Variants in XRN2 observed in about 807,000 individuals in gnomAD.
XRN2 encodes the protein 5'-3' exoribonuclease 2.
In XRN2, 44 loss-of-function variants were observed where a neutral mutation model predicts 138.5. The observed-to-expected ratio is 0.32, with a 90% CI of 0.25 to 0.41. The LOEUF (loss-of-function observed/expected upper bound fraction) is 0.41, where lower values mean the gene tolerates loss of function less well. Among genes scored for constraint, XRN2 ranks in the 10% least tolerant of loss-of-function variants. The pLI is 1.00. For synonymous variants in XRN2, 354 were observed against 369.4 expected (o/e 0.96, Z 0.48); for missense variants, 937 against 1,169.3 (o/e 0.80, Z 2.90).
chr20:21,308,489 T>A (rs531210838), intron 1 of XRN2, among the ~76,000 whole-genome samples: 2 of 152,162 alleles, frequency 1.3e-5, no homozygotes, highest in African/African-American at 2.4e-5. Context: ...CATATCAGGG[T>A]TCCAGTTGCT....
Position 21,389,641 on chromosome 20 carries a change from C to T in XRN2, c.*303C>T. 1 of 225,120 alleles carries T rather than the reference C, an allele frequency of 4.4e-6. No individual in the cohort carries two copies. The allele number at this position is 225,120 out of a possible 1,614,324, so 13.9% of individuals were successfully genotyped here. ...TGTGGATTTCAAAACACAGTGTATT[C>T]TAGATCATCTAAGATCCATGCTGAT... On this transcript the variant is annotated 3_prime_UTR_variant, in exon 30 of 30. Coordinates refer to ENST00000377191, the MANE Select transcript of XRN2 (RefSeq NM_012255.5).
At chr20:21,315,055 T>C (rs565922173) in intron 1 of XRN2, among the ~76,000 whole-genome samples, 1 of 152,292 alleles carries the variant, frequency 6.6e-6, no homozygotes, top group East Asian at 1.9e-4. Flanking sequence ...TCAGGGTTTA[T>C]GTGACACACT....
At chr20:21,387,032 T>G (rs774182615) in intron 29 of XRN2, 26 bp downstream of exon 29, 1 of 1,587,742 alleles carries the variant, frequency 6.3e-7, no homozygotes, top group South Asian at 1.1e-5. Flanking sequence ...ATGAAAAGTA[T>G]ACTGCTCACT....
In XRN2 at chr20:21,356,062, T is replaced by G; in HGVS notation, c.2021-18T>G. 3 of 1,599,498 alleles carry G rather than the reference T, an allele frequency of 1.9e-6. No homozygotes were observed. Among genetic ancestry groups the G allele is most frequent in the Non-Finnish European group, 2.6e-6 (3 of 1,173,164 alleles). ...CAATTTTTTTATGTGTAGGTCTTAT[T>G]CTTTTCTTTCTCCCTAGCCAGAAGA... On this transcript the variant is annotated intron_variant, in intron 21 of 29. Coordinates refer to ENST00000377191, the MANE Select transcript of XRN2 (RefSeq NM_012255.5).
At chr20:21,373,594 A>C (rs2038786049) in intron 27 of XRN2, among the ~76,000 whole-genome samples, 1 of 152,226 alleles carries the variant, frequency 6.6e-6, no homozygotes, top group African/African-American at 2.4e-5. Flanking sequence ...ACACTCCTCC[A>C]GCAGTGTAGG....
chr20:21,368,583 T>C lies in XRN2; in HGVS notation c.2577T>C (p.Leu859=). ...LLRGQAQIPK[L]MSNMRPQDSW... ...GAGGACAAGCCCAGATTCCAAAACT[T>C]ATGTCAAGTAAGCTTTTACAAATCG... Residue 859 remains leucine (L), a synonymous_variant, in exon 27 of 30, where the codon CTT becomes CTC. Transcript: ENST00000377191. 1 of 1,613,032 alleles carries C rather than the reference T, an allele frequency of 6.2e-7. No individual in the cohort carries two copies. Among genetic ancestry groups the C allele is most frequent in the South Asian group, 1.1e-5 (1 of 90,716 alleles).
At position 21,351,222 on chromosome 20, in the gene XRN2, T is replaced by C. The variant is rs1786413514; in HGVS notation, c.1936+1761T>C. Among the ~76,000 whole-genome samples the C allele has an allele frequency of 3.9e-5, 6 of 152,340 alleles. No individual in the cohort carries two copies. The South Asian group carries it at 1.0e-3, about 26-fold the overall frequency. On this transcript the variant is annotated intron_variant, in intron 20 of 29. Coordinates refer to ENST00000377191, the MANE Select transcript of XRN2 (RefSeq NM_012255.5). ...TAACTCTAGGGGAAAAGTGAGATAA[T>C]GTACAAGAGTTCAGATTTCTTCACA...
At chr20:21,346,687 T>C in intron 17 of XRN2, 137 bp downstream of exon 17, 1 of 1,050,450 alleles carries the variant, frequency 9.5e-7, no homozygotes, top group Non-Finnish European at 1.4e-6. Flanking sequence ...TGGCGTGATC[T>C]CAACTCACTG....
intron 27 of XRN2, 82 bp downstream of exon 27, chr20:21,368,672 A>C (rs577790818): frequency 1.0e-5 from 16 of 1,564,284 alleles, no homozygotes; most frequent in Non-Finnish European, 1.3e-5. Context: ...TTTGCTGAAA[A>C]AGATTTGTTG....
chr20:21,349,556 A>G (rs2038480553), intron 20 of XRN2, 95 bp downstream of exon 20: 1 of 1,044,064 alleles, frequency 9.6e-7, no homozygotes, highest in Non-Finnish European at 1.4e-6. Flanking sequence ...TAGCCTGGGC[A>G]ACATGGTGAA....
intron 1 of XRN2, among the ~76,000 whole-genome samples, chr20:21,309,108 TTG>T (rs1429452160): frequency 6.6e-6 from 1 of 152,234 alleles, no homozygotes; most frequent in African/African-American, 2.4e-5. Context: ...TTCTTGAGAA[TTG>T]TGTCTCTGTT....
intron 26 of XRN2, among the ~76,000 whole-genome samples, chr20:21,366,999 A>G (rs765498556): frequency 2.9e-4 from 44 of 152,164 alleles, no homozygotes; most frequent in Non-Finnish European, 5.7e-4. Context: ...TGTATGATGG[A>G]GACTCTTTTT....
intron 26 of XRN2, among the ~76,000 whole-genome samples, chr20:21,368,212 G>A (rs376407995): frequency 3.5e-4 from 53 of 152,246 alleles, no homozygotes; most frequent in Non-Finnish European, 2.6e-4. Flanking sequence ...ATTATTTTTC[G>A]TATGATGTAA....
intron 13 of XRN2, among the ~76,000 whole-genome samples, chr20:21,337,122 A>C (rs896102217): frequency 2.0e-5 from 3 of 152,214 alleles, no homozygotes. Context: ...CATCAGTGTA[A>C]GGTTTTGAGT....
chr20:21,370,448 A>G (rs561150678), intron 27 of XRN2, among the ~76,000 whole-genome samples: 1 of 152,340 alleles, frequency 6.6e-6, no homozygotes, highest in African/African-American at 2.4e-5. Context: ...AAAAAAAAGT[A>G]TGAGGAAATG....
chr20:21,328,671 G>A lies in XRN2; in HGVS notation c.427+1G>A. The A allele has an allele frequency of 6.2e-7, 1 of 1,612,358 alleles. No individual in the cohort carries two copies. Among genetic ancestry groups the A allele is most frequent in the South Asian group, 1.1e-5 (1 of 90,610 alleles). On this transcript the variant is annotated splice_donor_variant, in intron 4 of 29. Transcript: ENST00000377191. LOFTEE classifies it high-confidence loss of function. Reference sequence around the variant, plus strand: ...GTCAGGGAAGAAATATTGGCAAAAGGTAAAGAATATGCATCTTGAAGTTGG... The same window carrying A: ...GTCAGGGAAGAAATATTGGCAAAAGATAAAGAATATGCATCTTGAAGTTGG...
intron 26 of XRN2, among the ~76,000 whole-genome samples, chr20:21,368,149 T>G (rs1262283233): frequency 5.3e-5 from 8 of 152,142 alleles, no homozygotes; most frequent in Non-Finnish European, 8.8e-5. Flanking sequence ...AGCAAGAACA[T>G]GGATCCTTAA....
rs1012843823 is a variant in XRN2, at chr20:21,331,799, T to G, written c.681T>G (p.His227Gln). ...AQPNHDPNTH[H>Q]CLCGADADLI... Reference sequence around the variant, plus strand: ...CTAACCATGACCCAAATACTCATCATTGTTTATGTGGAGCAGATGGTAAGT... The same window carrying G: ...CTAACCATGACCCAAATACTCATCAGTGTTTATGTGGAGCAGATGGTAAGT... The change falls in exon 8 of 30, where the codon CAT becomes CAG. Residue 227 changes from histidine (H) to glutamine (Q), a missense_variant. By Grantham distance (24) the His-to-Gln change is conservative (BLOSUM62 0). Coordinates refer to ENST00000377191, the MANE Select transcript of XRN2 (RefSeq NM_012255.5). The G allele has an allele frequency of 6.8e-6, 11 of 1,610,472 alleles. No homozygotes were observed. Among genetic ancestry groups the G allele is most frequent in the Non-Finnish European group, 9.3e-6 (11 of 1,179,126 alleles).
intron 1 of XRN2, among the ~76,000 whole-genome samples, chr20:21,315,468 ATGT>A (rs2037945403): frequency 1.3e-5 from 2 of 152,042 alleles, no homozygotes; most frequent in African/African-American, 2.4e-5. Flanking sequence ...TTTTGGAGAA[ATGT>A]CTATTTAGGT....
Sources: allele counts gnomAD v4.1 joint callset (sites outside exome capture counted in the v4.1 genomes callset), GRCh38; gene constraint gnomAD v4.1.1; transcripts MANE v1.5; gene names NCBI Gene and HGNC (gene_info 2026-07-23, HGNC 2026-07-21).